Variants in BEST3 observed in about 807,000 individuals in gnomAD.
BEST3 encodes bestrophin 3, also known as bestrophin-3.
A neutral mutation model predicts 47.1 loss-of-function variants in BEST3; 50 were observed. The ratio of observed to expected loss-of-function variants is 1.06; its 90% confidence interval spans 0.85 to 1.34. BEST3 has a LOEUF of 1.34. Ranked by LOEUF, BEST3 falls within the 40% of genes most tolerant of loss-of-function variation. BEST3 has a pLI of 0.00. For missense variants in BEST3, 765 were observed against 817.0 expected, an observed-to-expected ratio of 0.94 and a Z score of 0.78; for synonymous variants, 282 against 298.8, an observed-to-expected ratio of 0.94 and a Z score of 0.58.
rs1232529303 is a variant in BEST3 at position 69,655,090 on chromosome 12, T to C, written c.1824A>G (p.Pro608=). 1 of 1,614,210 alleles carries C rather than the reference T, an allele frequency of 6.2e-7. No individual in the cohort carries two copies. Among genetic ancestry groups the C allele is most frequent in the Admixed American group, 1.7e-5 (1 of 60,024 alleles). Residue 608 remains proline (P), a synonymous_variant, in exon 10 of 10, where the codon CCA becomes CCG. Transcript: ENST00000330891. Reference sequence around the variant, plus strand: ...GAGCTGGCTGAGAGCTCATGGGGTCTGGACTTAGGTTTCCCAGGGAAGTGT... The same window carrying C: ...GAGCTGGCTGAGAGCTCATGGGGTCCGGACTTAGGTTTCCCAGGGAAGTGT... The part of the protein sequence containing the change: ...SSHTSLGNLS[P]DPMSSQPALL...
At chr12:69,669,783 G>A (rs905665997) in intron 9 of BEST3, 6 of 152,192 alleles carry the variant, frequency 3.9e-5, no homozygotes, top group Admixed American at 3.3e-4. Flanking sequence ...CAAGAGAAAT[G>A]TGTTTTAATA....
In BEST3 at chr12:69,653,914, C is replaced by T. The variant is rs1883301484; in HGVS notation, c.*993G>A. The T allele has an allele frequency of 3.0e-6, 3 of 985,310 alleles. No individual in the cohort carries two copies. The highest frequency in any genetic ancestry group is 1.7e-5 in the African/African-American group (1 of 57,242). 61.0% of individuals were successfully genotyped at this position (985,310 alleles called of 1,614,324 possible). A position where few individuals can be genotyped will look rare whatever the true frequency, so the allele number is the denominator to read the frequency against. ...GAGTTCAAGTTAAACAGATGTGAGT[C>T]ATCTTATTCTTTGGTTCCATAGCAT... On this transcript the variant is annotated 3_prime_UTR_variant, in exon 10 of 10. Coordinates refer to ENST00000330891, the MANE Select transcript of BEST3 (RefSeq NM_032735.3).
chr12:69,685,863 G>A (rs1885547983), intron 4 of BEST3, among the ~76,000 whole-genome samples: 1 of 152,096 alleles, frequency 6.6e-6, no homozygotes, highest in African/African-American at 2.4e-5. Context: ...AAATGTGGGG[G>A]GAACCTTCAA....
intron 4 of BEST3, chr12:69,683,138 G>C (rs933213441): frequency 3.3e-5 from 5 of 152,118 alleles, no homozygotes; most frequent in Non-Finnish European, 7.4e-5. Context: ...TCCTTTCTTA[G>C]CTTCTAAGCA....
chr12:69,657,987 G>A (rs967468882), intron 9 of BEST3, among the ~76,000 whole-genome samples: 1 of 152,110 alleles, frequency 6.6e-6, no homozygotes, highest in African/African-American at 2.4e-5. Context: ...CTGCTGGGTG[G>A]ATTGCATTTG....
At position 69,646,772 on chromosome 12, in the gene BEST3, G is replaced by A. The variant is rs377595917; in HGVS notation, c.1101-2985C>T. On this transcript the variant is annotated intron_variant, in intron 9 of 9. Transcript: ENST00000331471. ...CCATTCTTTAGTTATGAAAGTAATC[G>A]GGTTCCATTTTTATTTGGAAAAAAT... is the stretch of plus-strand genomic sequence containing the variant. Among the ~76,000 whole-genome samples, 24 of 152,248 alleles carry A rather than the reference G, an allele frequency of 1.6e-4. No homozygotes were observed. The East Asian group carries it at 3.7e-3, about 23-fold the overall frequency.
chr12:69,690,414 C>T (rs913907203), intron 4 of BEST3, among the ~76,000 whole-genome samples: 10 of 152,204 alleles, frequency 6.6e-5, no homozygotes, highest in Non-Finnish European at 1.5e-4. Context: ...AATGAAATCA[C>T]GTCATTTTCC....
intron 9 of BEST3, among the ~76,000 whole-genome samples, chr12:69,657,698 T>C (rs558034010): frequency 6.6e-6 from 1 of 152,276 alleles, no homozygotes; most frequent in African/African-American, 2.4e-5. Flanking sequence ...AGGAGAACAT[T>C]GGGACAGTAT....
At position 69,671,906 on chromosome 12, in the gene BEST3, T is replaced by G. The variant is rs188432779; in HGVS notation, c.949-327A>C. On this transcript the variant is annotated intron_variant, in intron 8 of 9. Transcript: ENST00000330891. The stretch of plus-strand genomic sequence containing the variant: ...TTATTCTTTGCTCACAATTGTGGTG[T>G]TGTTTTACCTGATAGCACCTACTTA... Among the ~76,000 whole-genome samples, 26 of 152,306 alleles carry G rather than the reference T, an allele frequency of 1.7e-4. No homozygotes were observed. The East Asian group carries it at 1.7e-3, about 10-fold the overall frequency.
At chr12:69,667,211 T>C (rs1359641438) in intron 9 of BEST3, among the ~76,000 whole-genome samples, 1 of 152,238 alleles carries the variant, frequency 6.6e-6, no homozygotes, top group Non-Finnish European at 1.5e-5. Context: ...TTCCTTTCTG[T>C]CTTTGCCCAT....
At chr12:69,675,146 G>A (rs1026960632) in intron 7 of BEST3, among the ~76,000 whole-genome samples, 1 of 151,236 alleles carries the variant, frequency 6.6e-6, no homozygotes, top group African/African-American at 2.4e-5. Context: ...TTTAGACAGG[G>A]TCTTGCTCTG....
chr12:69,658,174 C>T, intron 9 of BEST3, among the ~76,000 whole-genome samples: 1 of 152,142 alleles, frequency 6.6e-6, no homozygotes, highest in Non-Finnish European at 1.5e-5. Context: ...GGGATCTCAA[C>T]TATTTATTTA....
At chr12:69,695,505 C>T (rs573035452) in intron 2 of BEST3, among the ~76,000 whole-genome samples, 37 of 152,260 alleles carry the variant, frequency 2.4e-4, no homozygotes, top group African/African-American at 8.7e-4. Flanking sequence ...GTTAGAATTA[C>T]TGAAGTCAGG....
intron 9 of BEST3, among the ~76,000 whole-genome samples, chr12:69,645,302 C>A (rs1448518273): frequency 1.3e-5 from 2 of 152,274 alleles, no homozygotes; most frequent in East Asian, 3.9e-4. Flanking sequence ...CCCAGGAACG[C>A]TAAGTTTTTT....
intron 1 of BEST3, among the ~76,000 whole-genome samples, chr12:69,698,510 C>A (rs1253561967): frequency 1.3e-5 from 2 of 152,110 alleles, no homozygotes; most frequent in African/African-American, 2.4e-5. Flanking sequence ...CAAAGCTAAT[C>A]TTTGAAAATC....
chr12:69,658,266 A>G (rs1367718845), intron 9 of BEST3, among the ~76,000 whole-genome samples: 3 of 152,190 alleles, frequency 2.0e-5, no homozygotes, highest in African/African-American at 7.2e-5. Flanking sequence ...TATATTTTTA[A>G]TACTTCAAAC....
chr12:69,687,636 G>A (rs914649468), intron 4 of BEST3, among the ~76,000 whole-genome samples: 63 of 140,386 alleles, frequency 4.5e-4, no homozygotes, highest in Admixed American at 9.2e-4. Flanking sequence ...TGCACTCCAG[G>A]TTGGGCAACT....
chr12:69,669,635 T>C (rs943639726), intron 9 of BEST3: 1 of 152,234 alleles, frequency 6.6e-6, no homozygotes, highest in African/African-American at 2.4e-5. Flanking sequence ...GACTAGGTGA[T>C]AATAATCATC....
intron 9 of BEST3, among the ~76,000 whole-genome samples, chr12:69,667,568 T>A (rs1884304564): frequency 6.6e-6 from 1 of 152,198 alleles, no homozygotes; most frequent in Non-Finnish European, 1.5e-5. Flanking sequence ...AGTGCTGGGA[T>A]TACAGGCATG....
Sources: allele counts gnomAD v4.1 joint callset (sites outside exome capture counted in the v4.1 genomes callset), GRCh38; gene constraint gnomAD v4.1.1; transcripts MANE v1.5; gene names NCBI Gene and HGNC (gene_info 2026-07-23, HGNC 2026-07-21).